Variants in DTX1 observed in about 807,000 individuals in gnomAD.
DTX1 encodes the protein E3 ubiquitin-protein ligase DTX1.
DTX1 carries 26 observed loss-of-function variants against 57.8 expected under a neutral mutation model. That is an observed-to-expected ratio of 0.45 (90% CI 0.33 to 0.62). DTX1 has a LOEUF of 0.62. DTX1 is among the 20% of genes least tolerant of loss of function. DTX1 has a pLI of 0.02. For missense variants in DTX1, 704 were observed against 895.3 expected (o/e 0.79, Z 2.73); for synonymous variants, 398 against 394.1 (o/e 1.01, Z -0.12).
intron 2 of DTX1, among the ~76,000 whole-genome samples, chr12:113,059,570 G>A (rs573427201): frequency 1.3e-5 from 2 of 152,076 alleles, no homozygotes; most frequent in South Asian, 4.1e-4. Flanking sequence ...CTGAGTCATT[G>A]CCCGGTGGTA....
In DTX1 at chr12:113,057,436, T is replaced by A. The variant is rs2136419854; in HGVS notation, c.-744-13T>A. The A allele has an allele frequency of 6.6e-6, 1 of 152,366 alleles. No individual in the cohort carries two copies. The highest frequency in any genetic ancestry group is 1.9e-4 in the East Asian group (1 of 5,140). The allele number at this position is 152,366 out of a possible 1,614,324, so 9.4% of individuals were successfully genotyped here. On this transcript the variant is annotated splice_polypyrimidine_tract_variant and intron_variant, in intron 1 of 9. Transcript: ENST00000548759. ...CCTCTTAAAGGGCCCTCTCCCCTCT[T>A]GTCTCCTGGCAGGTCGCGAGCACGA...
rs766834427 is a variant in DTX1 at position 113,058,158 on chromosome 12, T to C, written c.-35T>C. 2 of 1,558,904 alleles carry C rather than the reference T, an allele frequency of 1.3e-6. No individual in the cohort carries two copies. The highest frequency in any genetic ancestry group is 1.2e-5 in the South Asian group (1 of 84,582). On this transcript the variant is annotated 5_prime_UTR_variant, in exon 2 of 10. Transcript: ENST00000548759. ...GGCCCAGGAGGAGCTGGGCCTGCAATAGTGGGGGACCTGGCCCCTGAGGCA... is the reference window on the plus strand; with the variant it reads ...GGCCCAGGAGGAGCTGGGCCTGCAACAGTGGGGGACCTGGCCCCTGAGGCA...
At chr12:113,094,455 G>C (rs1477183102) in intron 6 of DTX1, among the ~76,000 whole-genome samples, 1 of 152,212 alleles carries the variant, frequency 6.6e-6, no homozygotes, top group African/African-American at 2.4e-5. Flanking sequence ...GCTCATCCCT[G>C]TAGTTCCAGC....
rs775708250 is a variant in DTX1, at chr12:113,096,724, C to T, written c.1648C>T (p.Leu550=). 1.4e-5 allele frequency: 23 copies of T among 1,612,234 alleles called. No homozygotes were observed. The highest frequency in any genetic ancestry group is 1.9e-5 in the Non-Finnish European group (23 of 1,179,540). ...GTCCCTGTCCCCCCAGGTGCTGCGG[C>T]TGCTCATCACGGCCTGGGAGAGAAG... is the stretch of plus-strand genomic sequence containing the variant. ...NNEKGRKVLR[L]LITAWERRLI... is the part of the protein sequence containing the mutation. Residue 550 remains leucine, a synonymous_variant, in exon 10 of 10, where the codon CTG becomes TTG. Coordinates refer to ENST00000548759, the MANE Select transcript of DTX1 (RefSeq NM_004416.3).
At chr12:113,083,902 C>T (rs1281152608) in intron 3 of DTX1, among the ~76,000 whole-genome samples, 2 of 152,224 alleles carry the variant, frequency 1.3e-5, no homozygotes, top group African/African-American at 4.8e-5. Context: ...GCCTCTCTAG[C>T]CTCAGTCTCC....
intron 2 of DTX1, among the ~76,000 whole-genome samples, chr12:113,063,656 C>T (rs1330666747): frequency 6.6e-6 from 1 of 152,246 alleles, no homozygotes; most frequent in Admixed American, 6.5e-5. Flanking sequence ...TTTTCTGGTG[C>T]CCCCAAGCTG....
chr12:113,095,281 C>T lies in DTX1; in HGVS notation c.1549-44C>T, dbSNP rs114871961. 4,322 of 1,612,656 alleles carry T rather than the reference C, an allele frequency of 2.7e-3. 81 individuals are homozygous for T. In the African/African-American group the frequency reaches 0.048, roughly 18 times the overall value. On this transcript the variant is annotated intron_variant, in intron 8 of 9. Coordinates refer to ENST00000548759, the MANE Select transcript of DTX1 (RefSeq NM_004416.3). ...CTCCAGATGCTTCTCCACCCTGCCACCACCTGTTCATGGTCTAAATCCCTG... is the reference window on the plus strand; with the variant it reads ...CTCCAGATGCTTCTCCACCCTGCCATCACCTGTTCATGGTCTAAATCCCTG...
intron 3 of DTX1, among the ~76,000 whole-genome samples, chr12:113,085,339 A>G (rs1206723551): frequency 6.6e-6 from 1 of 152,182 alleles, no homozygotes; most frequent in Non-Finnish European, 1.5e-5. Context: ...CGTGAGCCAC[A>G]GTGCCCAGCC....
Position 113,057,862 on chromosome 12 carries a change from A to C in DTX1, c.-331A>C. The stretch of plus-strand genomic sequence containing the variant: ...ACACGGAAGAGGCTGGACCTCGAAC[A>C]GGGGCGGCTGCCTCACTCCCTACCT... On this transcript the variant is annotated 5_prime_UTR_variant, in exon 2 of 10. Transcript: ENST00000548759. 3.2e-6 allele frequency: 1 copy of C among 317,440 alleles called. No individual in the cohort carries two copies. 19.7% of individuals were successfully genotyped at this position (317,440 alleles called of 1,614,324 possible). A position where few individuals can be genotyped will look rare whatever the true frequency, so the allele number is the denominator to read the frequency against.
intron 3 of DTX1, among the ~76,000 whole-genome samples, chr12:113,092,220 A>T (rs1950253045): frequency 6.6e-6 from 1 of 152,152 alleles, no homozygotes; most frequent in Admixed American, 6.5e-5. Flanking sequence ...AGGATTGCAC[A>T]GCTGACAGTG....
Position 113,095,313 on chromosome 12 carries a change from C to T in DTX1, c.1549-12C>T, listed in dbSNP as rs150127864. ...TTCATGGTCTAAATCCCTGTACTGTCCCTCTCTGCAGGGCCCTGAGCACCC... is the reference window on the plus strand; with the variant it reads ...TTCATGGTCTAAATCCCTGTACTGTTCCTCTCTGCAGGGCCCTGAGCACCC... On this transcript the variant is annotated splice_polypyrimidine_tract_variant and intron_variant, in intron 8 of 9. Coordinates refer to ENST00000548759, the MANE Select transcript of DTX1 (RefSeq NM_004416.3). 5 of 1,614,058 alleles carry T rather than the reference C, an allele frequency of 3.1e-6. No individual in the cohort carries two copies. Among genetic ancestry groups the T allele is most frequent in the South Asian group, 1.1e-5 (1 of 91,076 alleles).
intron 2 of DTX1, among the ~76,000 whole-genome samples, chr12:113,071,375 C>A (rs1392359552): frequency 1.3e-5 from 2 of 152,216 alleles, no homozygotes; most frequent in Non-Finnish European, 2.9e-5. Context: ...TTTTAAGCAA[C>A]TAGGGAGGAG....
chr12:113,093,776 C>G lies in DTX1; in HGVS notation c.1165+76C>G, dbSNP rs1950264713. 2 of 1,576,554 alleles carry G rather than the reference C, an allele frequency of 1.3e-6. 1 individual carries two copies. Among genetic ancestry groups the G allele is most frequent in the South Asian group, 2.3e-5 (2 of 86,488 alleles). On this transcript the variant is annotated intron_variant, in intron 5 of 9. Transcript: ENST00000548759. The surrounding 1 kb of genome is among the most constrained non-coding windows in gnomAD (Gnocchi z 4.2). ...ACCACAACTCTGTGACCCCTGGTCT[C>G]CAACTTATTCTTAGCATTTACTACC...
intron 2 of DTX1, among the ~76,000 whole-genome samples, chr12:113,071,991 C>T (rs114489492): frequency 0.016 from 2,495 of 152,330 alleles, 62 homozygotes; most frequent in African/African-American, 0.056. Flanking sequence ...CTGGCCCTGA[C>T]GGGCTCCCAG....
Position 113,056,901 on chromosome 12 carries a change from G to C in DTX1, c.-788G>C, listed in dbSNP as rs1187260845. 1 of 152,828 alleles carries C rather than the reference G, an allele frequency of 6.5e-6. No individual in the cohort carries two copies. Among genetic ancestry groups the C allele is most frequent in the Non-Finnish European group, 1.5e-5 (1 of 68,598 alleles). 9.5% of individuals were successfully genotyped at this position (152,828 alleles called of 1,614,324 possible). ...CGGGGGGAGCCCAGGAGGCGGCGGT[G>C]CTGGAGCGCGAGCCGGAGCCGGAGC... On this transcript the variant is annotated 5_prime_UTR_variant, in exon 1 of 10. Coordinates refer to ENST00000548759, the MANE Select transcript of DTX1 (RefSeq NM_004416.3).
At chr12:113,069,690 C>T (rs2044726769) in intron 2 of DTX1, among the ~76,000 whole-genome samples, 1 of 152,134 alleles carries the variant, frequency 6.6e-6, no homozygotes, top group Admixed American at 6.5e-5. Context: ...ACTTCCACGT[C>T]TTCTTAGGGA....
At chr12:113,083,695 G>C (rs1277554117) in intron 3 of DTX1, among the ~76,000 whole-genome samples, 1 of 152,128 alleles carries the variant, frequency 6.6e-6, no homozygotes, top group East Asian at 1.9e-4. Flanking sequence ...TGTGTGTCTT[G>C]GTCTTTTTCA....
rs767659565 is a variant in DTX1 at position 113,095,422 on chromosome 12, C to T, written c.1638+8C>T. The T allele has an allele frequency of 1.9e-6, 3 of 1,614,060 alleles. No homozygotes were observed. The highest frequency in any genetic ancestry group is 1.7e-6 in the Non-Finnish European group (2 of 1,180,018). On this transcript the variant is annotated splice_region_variant and intron_variant, in intron 9 of 9. Transcript: ENST00000548759. Reference sequence around the variant, plus strand: ...AACGAGAAAGGCCGGAAGGTGGGTGCCCAGCCGTGAGGGCATGGGAGATAG... The same window carrying T: ...AACGAGAAAGGCCGGAAGGTGGGTGTCCAGCCGTGAGGGCATGGGAGATAG...
chr12:113,079,475 G>A (rs1827775180), intron 3 of DTX1, among the ~76,000 whole-genome samples: 1 of 145,726 alleles, frequency 6.9e-6, no homozygotes, highest in Admixed American at 6.8e-5. Context: ...CCCTTTGGGA[G>A]TCTGACTTCC....
Sources: gnomAD v4.1 joint callset for allele counts (sites outside exome capture counted in the v4.1 genomes callset) on GRCh38, gnomAD v4.1.1 for gene constraint, Gnocchi (gnomAD v3.1) non-coding constraint, MANE v1.5 for transcripts, NCBI Gene and HGNC (gene_info 2026-07-23, HGNC 2026-07-21) for gene names.